PIP5K1B: variants seen among roughly 807,000 people sequenced by gnomAD.
PIP5K1B encodes the protein phosphatidylinositol 4-phosphate 5-kinase type-1 beta.
Under a neutral mutation model 67.0 loss-of-function variants are expected in PIP5K1B, and 42 were observed. The ratio of observed to expected loss-of-function variants is 0.63; its 90% CI spans 0.49 to 0.81. PIP5K1B has a LOEUF of 0.81. Ranked by LOEUF, PIP5K1B falls within the 30% of genes least tolerant of loss-of-function variation. The pLI, the probability that PIP5K1B is intolerant of heterozygous loss-of-function variation, is 0.00. For synonymous variants in PIP5K1B, 214 were observed against 231.4 expected, an observed-to-expected ratio of 0.92 and a Z score of 0.68; for missense variants, 459 against 646.3, an observed-to-expected ratio of 0.71 and a Z score of 3.14.
chr9:68,891,070 A>G (rs1824756611), intron 7 of PIP5K1B, among the ~76,000 whole-genome samples: 1 of 152,178 alleles, frequency 6.6e-6, no homozygotes, highest in Admixed American at 6.5e-5. Flanking sequence ...CAACATGGTG[A>G]AACCCCATCT....
intron 6 of PIP5K1B, among the ~76,000 whole-genome samples, chr9:68,879,875 TA>T (rs1239898189): frequency 6.6e-6 from 1 of 152,188 alleles, no homozygotes; most frequent in Non-Finnish European, 1.5e-5. Flanking sequence ...ATATGTGAGG[TA>T]AATAATATGT....
intron 2 of PIP5K1B, among the ~76,000 whole-genome samples, chr9:68,754,175 C>CTTTTTTTTTTTCTTTTT (rs564811222): frequency 2.0e-5 from 2 of 101,072 alleles, no homozygotes; most frequent in East Asian, 6.8e-4. Flanking sequence ...TCCATGATTT[C>CTTTTTTTTTTTCTTTTT]TTTTTTTTTT....
At chr9:68,763,110 T>C (rs1443924785) in intron 2 of PIP5K1B, among the ~76,000 whole-genome samples, 2 of 152,088 alleles carry the variant, frequency 1.3e-5, no homozygotes, top group Non-Finnish European at 1.5e-5. Flanking sequence ...CCGGGATATC[T>C]GGGTTTTTCA....
intron 14 of PIP5K1B, among the ~76,000 whole-genome samples, chr9:68,984,236 T>G (rs755063589): frequency 6.6e-6 from 1 of 152,254 alleles, no homozygotes; most frequent in African/African-American, 2.4e-5. Flanking sequence ...AGAGCCAGAA[T>G]TGAAAGTCAG....
At chr9:68,719,402 T>G (rs774071035) in intron 1 of PIP5K1B, among the ~76,000 whole-genome samples, 1 of 152,226 alleles carries the variant, frequency 6.6e-6, no homozygotes, top group Non-Finnish European at 1.5e-5. Flanking sequence ...GATTTCCATC[T>G]TCCATTGGAA....
At chr9:68,732,048 C>CA (rs1432029225) in intron 1 of PIP5K1B, among the ~76,000 whole-genome samples, 1 of 152,180 alleles carries the variant, frequency 6.6e-6, no homozygotes, top group Non-Finnish European at 1.5e-5. Flanking sequence ...ACCGAAGCAC[C>CA]ATGGGTGGGG....
chr9:68,800,800 AC>A (rs1323977156), intron 2 of PIP5K1B, among the ~76,000 whole-genome samples: 1 of 152,146 alleles, frequency 6.6e-6, no homozygotes, highest in African/African-American at 2.4e-5. Context: ...TGTCATTCAA[AC>A]AAAGGTGTCC....
intron 2 of PIP5K1B, among the ~76,000 whole-genome samples, chr9:68,790,735 G>A (rs1358293583): frequency 1.3e-5 from 2 of 152,018 alleles, no homozygotes; most frequent in Non-Finnish European, 2.9e-5. Flanking sequence ...ACAGAAACTT[G>A]GGCTTTGTAA....
At chr9:68,949,298 C>T (rs1450689118) in intron 14 of PIP5K1B, among the ~76,000 whole-genome samples, 1 of 152,202 alleles carries the variant, frequency 6.6e-6, no homozygotes, top group East Asian at 1.9e-4. Flanking sequence ...CTCAGTGTGA[C>T]TAGCTCCTAC....
chr9:68,708,296 T>A (rs1827219646), intron 1 of PIP5K1B, among the ~76,000 whole-genome samples: 1 of 152,174 alleles, frequency 6.6e-6, no homozygotes, highest in Non-Finnish European at 1.5e-5. Flanking sequence ...AAATAGCTGT[T>A]GAATTAATGA....
chr9:68,956,799 T>C (rs938429629), intron 14 of PIP5K1B, among the ~76,000 whole-genome samples: 4 of 152,186 alleles, frequency 2.6e-5, no homozygotes, highest in African/African-American at 4.8e-5. Context: ...GGCCCATTGA[T>C]GAGCCACAAA....
Position 68,961,979 on chromosome 9 carries a change from G to C in PIP5K1B, c.1502+21189G>C, listed in dbSNP as rs73647050. 6.5e-3 allele frequency among the ~76,000 whole-genome samples: 993 copies of C among 152,278 alleles called. 12 individuals carry two copies. The highest frequency in any genetic ancestry group is 0.022 in the African/African-American group (934 of 41,552). Reference sequence around the variant, plus strand: ...TTACCCCGACACATGCTATTTCATGGATTCCCAATGCTTCTAATTCTTCAG... The same window carrying C: ...TTACCCCGACACATGCTATTTCATGCATTCCCAATGCTTCTAATTCTTCAG... On this transcript the variant is annotated intron_variant, in intron 14 of 15. Coordinates refer to ENST00000265382, the MANE Select transcript of PIP5K1B (RefSeq NM_003558.4).
At chr9:68,889,551 A>G (rs1282925686) in intron 7 of PIP5K1B, among the ~76,000 whole-genome samples, 1 of 151,768 alleles carries the variant, frequency 6.6e-6, no homozygotes, top group Non-Finnish European at 1.5e-5. Flanking sequence ...TGGCTAACAC[A>G]GTGAAACCCC....
chr9:68,954,149 ATT>A (rs1431849357), intron 14 of PIP5K1B, among the ~76,000 whole-genome samples: 1 of 152,106 alleles, frequency 6.6e-6, no homozygotes, highest in East Asian at 1.9e-4. Context: ...CTGGCTATAT[ATT>A]TCTTTGCTTT....
intron 2 of PIP5K1B, among the ~76,000 whole-genome samples, chr9:68,793,184 GA>G (rs1285656497): frequency 9.8e-6 from 1 of 101,648 alleles, no homozygotes; most frequent in African/African-American, 3.0e-5. Context: ...AAAATAGTTA[GA>G]GGGGGGTTAG....
intron 4 of PIP5K1B, among the ~76,000 whole-genome samples, chr9:68,827,790 T>G (rs575922876): frequency 6.6e-6 from 1 of 152,286 alleles, no homozygotes; most frequent in Admixed American, 6.5e-5. Context: ...TGTGTTATTT[T>G]GGGATTTTGT....
chr9:68,868,960 A>C (rs1823491941), intron 5 of PIP5K1B, among the ~76,000 whole-genome samples: 1 of 152,240 alleles, frequency 6.6e-6, no homozygotes, highest in African/African-American at 2.4e-5. Context: ...AATTCCAAGA[A>C]ACTACGGCAA....
intron 2 of PIP5K1B, among the ~76,000 whole-genome samples, chr9:68,761,887 G>T (rs1379518303): frequency 6.6e-6 from 1 of 152,088 alleles, no homozygotes; most frequent in East Asian, 1.9e-4. Context: ...GTTTCCAGGG[G>T]TAAGGATGTG....
At chr9:68,895,485 C>T (rs932455356) in intron 8 of PIP5K1B, among the ~76,000 whole-genome samples, 4 of 151,988 alleles carry the variant, frequency 2.6e-5, no homozygotes, top group African/African-American at 7.3e-5. Flanking sequence ...TGGGCCTGGA[C>T]GGATGACCCA....
Sources: allele counts gnomAD v4.1 joint callset (sites outside exome capture counted in the v4.1 genomes callset), GRCh38; gene constraint gnomAD v4.1.1; transcripts MANE v1.5; gene names NCBI Gene and HGNC (gene_info 2026-07-23, HGNC 2026-07-21).